Variants in PPFIBP1 observed in about 807,000 individuals in gnomAD.
PPFIBP1 encodes the protein liprin-beta-1.
Under a neutral mutation model 137.8 loss-of-function variants are expected in PPFIBP1, and 112 were observed. The observed-to-expected ratio is 0.81, with a 90% CI of 0.70 to 0.95. The LOEUF (loss-of-function observed/expected upper bound fraction) is 0.95, where lower values mean the gene tolerates loss of function less well. Among genes scored for constraint, PPFIBP1 ranks in the 40% least tolerant of loss-of-function variants. PPFIBP1 has a pLI of 0.00. For synonymous variants in PPFIBP1, 378 were observed against 417.3 expected (o/e 0.91, Z 1.15); for missense variants, 1,083 against 1,196.6 (o/e 0.91, Z 1.40).
chr12:27,524,640 C>A (rs1943511351), intron 1 of PPFIBP1, among the ~76,000 whole-genome samples: 1 of 152,148 alleles, frequency 6.6e-6, no homozygotes, highest in Admixed American at 6.5e-5. Flanking sequence ...CCCTAGGCTC[C>A]CGGTAATACC....
intron 1 of PPFIBP1, among the ~76,000 whole-genome samples, chr12:27,567,012 A>G (rs908328958): frequency 1.3e-5 from 2 of 152,174 alleles, no homozygotes; most frequent in Non-Finnish European, 2.9e-5. Flanking sequence ...TATCTTCCAT[A>G]TTACTCAGTG....
chr12:27,642,380 C>G (rs1190291682), intron 4 of PPFIBP1, among the ~76,000 whole-genome samples: 1 of 152,172 alleles, frequency 6.6e-6, no homozygotes, highest in African/African-American at 2.4e-5. Context: ...ATTTAGGCTT[C>G]TCTAATATGC....
chr12:27,536,403 C>T (rs967996037), intron 1 of PPFIBP1, among the ~76,000 whole-genome samples: 16 of 152,118 alleles, frequency 1.1e-4, no homozygotes, highest in Non-Finnish European at 1.5e-4. Context: ...CTGCTTCTGG[C>T]GAGGCCCCCA....
At chr12:27,580,142 G>A (rs1450448786) in intron 2 of PPFIBP1, among the ~76,000 whole-genome samples, 2 of 152,144 alleles carry the variant, frequency 1.3e-5, no homozygotes, top group East Asian at 1.9e-4. Flanking sequence ...CTAGGGAGAC[G>A]AATAGAGAAA....
At chr12:27,629,611 A>G (rs574803416) in intron 2 of PPFIBP1, among the ~76,000 whole-genome samples, 11 of 152,338 alleles carry the variant, frequency 7.2e-5, no homozygotes, top group African/African-American at 2.2e-4. Context: ...ATTTCATTAT[A>G]TTAATTATGT....
At position 27,654,726 on chromosome 12, in the gene PPFIBP1, T is replaced by G. The variant is rs766016513; in HGVS notation, c.608T>G (p.Leu203Arg). The change falls in exon 8 of 30, where the codon CTG (leucine) becomes CGG (arginine). Residue 203 changes from leucine (L) to arginine (R), a missense_variant. Leu to Arg is a moderately radical substitution (Grantham distance 102, BLOSUM62 -2). Coordinates refer to ENST00000228425, the MANE Select transcript of PPFIBP1 (RefSeq NM_003622.4). ...YEDKFRDTEG[L>R]IQEINDLRLK... ...TTCTTGTTTCTTCTTGGACAGGGGC[T>G]GATTCAGGAGATCAATGATTTGAGG... The G allele has an allele frequency of 5.9e-5, 95 of 1,610,744 alleles. No individual in the cohort carries two copies. Among genetic ancestry groups the G allele is most frequent in the Non-Finnish European group, 7.9e-5 (93 of 1,179,386 alleles).
intron 3 of PPFIBP1, among the ~76,000 whole-genome samples, chr12:27,634,380 C>G (rs917013603): frequency 5.3e-5 from 8 of 152,118 alleles, no homozygotes; most frequent in Admixed American, 3.3e-4. Context: ...GTTCCTATCT[C>G]TAATTTCCAA....
At chr12:27,623,678 A>G (rs1459187756) in intron 2 of PPFIBP1, among the ~76,000 whole-genome samples, 1 of 152,144 alleles carries the variant, frequency 6.6e-6, no homozygotes, top group Admixed American at 6.6e-5. Flanking sequence ...ACTGCACTCC[A>G]TCCTGTGTGA....
intron 2 of PPFIBP1, among the ~76,000 whole-genome samples, chr12:27,626,005 A>G (rs1247660709): frequency 1.3e-5 from 2 of 152,074 alleles, no homozygotes; most frequent in Non-Finnish European, 2.9e-5. Flanking sequence ...GTATTGTAAC[A>G]TTAGATATCG....
At chr12:27,636,957 T>G (rs534375724) in intron 4 of PPFIBP1, 296 of 152,318 alleles carry the variant, frequency 1.9e-3, no homozygotes, top group African/African-American at 6.9e-3. Flanking sequence ...GGAAAGCTCT[T>G]TCGCCAGATA....
At chr12:27,644,915 G>GT (rs11442125) in intron 4 of PPFIBP1, among the ~76,000 whole-genome samples, 80,487 of 149,108 alleles carry the variant, frequency 0.54, 21,927 homozygotes, top group East Asian at 0.57. Context: ...TTCAAGCCCT[G>GT]TTTTTTTTCT....
chr12:27,586,657 A>G (rs1254936618), intron 2 of PPFIBP1, among the ~76,000 whole-genome samples: 3 of 152,042 alleles, frequency 2.0e-5, no homozygotes, highest in Non-Finnish European at 2.9e-5. Flanking sequence ...AGATCATGCC[A>G]CTGCACCCCA....
chr12:27,643,443 A>G lies in PPFIBP1; in HGVS notation c.271-2619A>G, dbSNP rs1303746205. ...TTCAGAGTAATGCCTGCTGTAATGA[A>G]GGTTCATGTAGATACTGTCGCTGGC... On this transcript the variant is annotated intron_variant, in intron 4 of 29. Transcript: ENST00000228425. Among the ~76,000 whole-genome samples the G allele has an allele frequency of 6.8e-5, 9 of 132,514 alleles. 2 individuals carry two copies. Among genetic ancestry groups the G allele is most frequent in the African/African-American group, 2.9e-4 (9 of 31,408 alleles). The allele number at this position is 132,514 out of a possible 152,430, so 86.9% of individuals were successfully genotyped here. A position where few individuals can be genotyped will look rare whatever the true frequency, so the allele number is the denominator to read the frequency against.
intron 2 of PPFIBP1, chr12:27,592,481 G>A: frequency 9.0e-7 from 1 of 1,109,714 alleles, no homozygotes; most frequent in East Asian, 2.4e-5. Flanking sequence ...CCTAATTCAA[G>A]GGTTTCTTGA....
intron 2 of PPFIBP1, among the ~76,000 whole-genome samples, chr12:27,596,023 C>T (rs2053246761): frequency 6.7e-6 from 1 of 150,154 alleles, no homozygotes; most frequent in Non-Finnish European, 1.5e-5. Flanking sequence ...TAAGATGGTT[C>T]CCGTCCTTAG....
Position 27,664,433 on chromosome 12 carries a change from C to T in PPFIBP1, c.978C>T (p.Ala326=). Residue 326 remains alanine, a synonymous_variant, in exon 12 of 30, where the codon GCC becomes GCT. Coordinates refer to ENST00000228425, the MANE Select transcript of PPFIBP1 (RefSeq NM_003622.4). The part of the protein sequence containing the change: ...YKKMQDTVVL[A]QGKKGKDGEY... ...AAATGCAAGACACGGTGGTACTGGC[C>T]CAAGGTAAAAAAGGTAGAGTGTAGC... 1 of 1,610,806 alleles carries T rather than the reference C, an allele frequency of 6.2e-7. No individual in the cohort carries two copies. The highest frequency in any genetic ancestry group is 1.1e-5 in the South Asian group (1 of 90,838).
chr12:27,593,278 G>A (rs150356111), intron 2 of PPFIBP1: 13 of 253,740 alleles, frequency 5.1e-5, no homozygotes, highest in East Asian at 4.9e-4. Flanking sequence ...TCCTTTCTTC[G>A]TTGTCTGTCT....
intron 2 of PPFIBP1, among the ~76,000 whole-genome samples, chr12:27,629,145 G>A (rs1592971566): frequency 1.3e-5 from 2 of 152,272 alleles, no homozygotes; most frequent in East Asian, 1.9e-4. Flanking sequence ...AAGCTAAACG[G>A]TATTATTAAT....
intron 15 of PPFIBP1, among the ~76,000 whole-genome samples, chr12:27,673,258 GAATT>G (rs1477714937): frequency 6.6e-6 from 1 of 152,154 alleles, no homozygotes; most frequent in Non-Finnish European, 1.5e-5. Flanking sequence ...GATAGCAAAT[GAATT>G]ATTATGGGCA....
Sources: allele counts gnomAD v4.1 joint callset (sites outside exome capture counted in the v4.1 genomes callset), GRCh38; gene constraint gnomAD v4.1.1; transcripts MANE v1.5; gene names NCBI Gene and HGNC (gene_info 2026-07-23, HGNC 2026-07-21).